Variants in RAD51B observed in about 807,000 individuals in gnomAD.
RAD51B encodes DNA repair protein RAD51 homolog 2.
Under a neutral mutation model 42.2 loss-of-function variants are expected in RAD51B, and 38 were observed. The ratio of observed to expected loss-of-function variants is 0.90; its 90% CI spans 0.70 to 1.18. The LOEUF is 1.18. Ranked by LOEUF, RAD51B falls within the 50% of genes most tolerant of loss-of-function variation. The pLI, the probability that RAD51B is intolerant of heterozygous loss-of-function variation, is 0.00. For missense variants in RAD51B, 373 were observed against 400.7 expected, an observed-to-expected ratio of 0.93 and a Z score of 0.59; for synonymous variants, 154 against 145.2, an observed-to-expected ratio of 1.06 and a Z score of -0.43.
chr14:68,657,403 C>T (rs1892838872), intron 11 of RAD51B, among the ~76,000 whole-genome samples: 1 of 152,216 alleles, frequency 6.6e-6, no homozygotes, highest in Admixed American at 6.5e-5. Flanking sequence ...CTGGTCTCGA[C>T]CTCCAGGCTT....
At chr14:68,049,135 A>G (rs1237116397) in intron 7 of RAD51B, among the ~76,000 whole-genome samples, 1 of 151,596 alleles carries the variant, frequency 6.6e-6, no homozygotes, top group Non-Finnish European at 1.5e-5. Context: ...GCATGTTCTC[A>G]CTCACAGGTG....
intron 8 of RAD51B, among the ~76,000 whole-genome samples, chr14:68,341,866 G>T (rs2082578691): frequency 6.6e-6 from 1 of 152,146 alleles, no homozygotes; most frequent in Admixed American, 6.5e-5. Flanking sequence ...TAGAAAAGGG[G>T]TGGAAAGAAT....
At chr14:68,138,073 C>G (rs2078047527) in intron 7 of RAD51B, among the ~76,000 whole-genome samples, 1 of 152,184 alleles carries the variant, frequency 6.6e-6, no homozygotes, top group African/African-American at 2.4e-5. Flanking sequence ...GCACAAAAGT[C>G]TAGCTTACAG....
intron 8 of RAD51B, among the ~76,000 whole-genome samples, chr14:68,301,072 G>C (rs188282400): frequency 3.9e-5 from 6 of 152,342 alleles, no homozygotes; most frequent in Non-Finnish European, 8.8e-5. Context: ...ATGTGTGTGT[G>C]TTGAAGGTGG....
At chr14:68,552,721 C>T (rs192820696) in intron 10 of RAD51B, among the ~76,000 whole-genome samples, 12 of 152,184 alleles carry the variant, frequency 7.9e-5, no homozygotes, top group Admixed American at 1.3e-4. Context: ...AGTAATAACA[C>T]GTTTCTGTGG....
chr14:67,869,095 T>C (rs2042431122), intron 5 of RAD51B, among the ~76,000 whole-genome samples: 1 of 152,206 alleles, frequency 6.6e-6, no homozygotes, highest in Admixed American at 6.5e-5. Flanking sequence ...AGAATGACTT[T>C]GACGAGCTGA....
chr14:68,519,965 A>C (rs570743466), intron 10 of RAD51B, among the ~76,000 whole-genome samples: 1 of 152,396 alleles, frequency 6.6e-6, no homozygotes, highest in Admixed American at 6.5e-5. Flanking sequence ...CAGAAAGTTC[A>C]TAAGGAGCTT....
intron 10 of RAD51B, chr14:68,563,011 G>C (rs994825699): frequency 1.0e-6 from 1 of 985,458 alleles, no homozygotes; most frequent in Non-Finnish European, 1.2e-6. Context: ...GTTCACGGCT[G>C]GGCATGATGA....
At chr14:68,454,400 C>T (rs1457545686) in intron 9 of RAD51B, among the ~76,000 whole-genome samples, 2 of 147,128 alleles carry the variant, frequency 1.4e-5, no homozygotes, top group Admixed American at 6.7e-5. Context: ...TAAAGGCTCA[C>T]AACAGTCTGA....
chr14:68,536,033 G>A (rs1367208559), intron 10 of RAD51B, among the ~76,000 whole-genome samples: 1 of 152,172 alleles, frequency 6.6e-6, no homozygotes, highest in African/African-American at 2.4e-5. Flanking sequence ...CTTAGAAATG[G>A]GTAAGAAGCA....
chr14:68,550,347 A>C (rs573415320), intron 10 of RAD51B, among the ~76,000 whole-genome samples: 1 of 152,346 alleles, frequency 6.6e-6, no homozygotes, highest in South Asian at 2.1e-4. Context: ...GTGATTATTC[A>C]TGGAATCTTT....
In RAD51B at chr14:68,503,428, C is replaced by G. The variant is rs528455111; in HGVS notation, c.1036+35178C>G. Among the ~76,000 whole-genome samples, 11 of 152,306 alleles carry G rather than the reference C, an allele frequency of 7.2e-5. No homozygotes were observed. In the South Asian group the frequency reaches 2.1e-3, roughly 29 times the overall value. ...CTGAGGAGGAGGCATCTCCCTTCCC[C>G]CTCCTCCAGAGGCTGATGCTACAGA... is the stretch of plus-strand genomic sequence containing the variant. On this transcript the variant is annotated intron_variant, in intron 10 of 10. Coordinates refer to the RAD51B transcript ENST00000487270.
chr14:68,515,590 A>G (rs1386136305), intron 10 of RAD51B, among the ~76,000 whole-genome samples: 2 of 150,698 alleles, frequency 1.3e-5, no homozygotes, highest in Non-Finnish European at 3.0e-5. Flanking sequence ...CTAGGACTAC[A>G]GGTGTGCACC....
chr14:68,211,643 A>G lies in RAD51B; in HGVS notation c.757-80241A>G, dbSNP rs530201047. 1.1e-4 allele frequency among the ~76,000 whole-genome samples: 16 copies of G among 152,334 alleles called. No homozygotes were observed. In the South Asian group the frequency reaches 3.1e-3, roughly 30 times the overall value. ...AAATAAATTAATATATAAAACCATC[A>G]GATATCAGAGCATAGTTGTGGAAAG... On this transcript the variant is annotated intron_variant, in intron 7 of 10. Transcript: ENST00000471583.
At chr14:68,094,205 A>T (rs947297412) in intron 7 of RAD51B, among the ~76,000 whole-genome samples, 1 of 152,180 alleles carries the variant, frequency 6.6e-6, no homozygotes, top group Non-Finnish European at 1.5e-5. Flanking sequence ...CAAACATATC[A>T]CTTTTTAAAA....
chr14:68,664,287 A>G lies in RAD51B; in HGVS notation c.*11+13431A>G, dbSNP rs28578014. 9.2e-3 allele frequency among the ~76,000 whole-genome samples: 1,406 copies of G among 152,102 alleles called. 21 individuals are homozygous for G. The highest frequency in any genetic ancestry group is 0.032 in the African/African-American group (1,322 of 41,464). On this transcript the variant is annotated intron_variant, in intron 11 of 11. Coordinates refer to the RAD51B transcript ENST00000488612. Reference sequence around the variant, plus strand: ...TTCTACATAATCTTAGAGTCCCCCAACCACCAAGGATGATTCCTACTGATT... The same window carrying G: ...TTCTACATAATCTTAGAGTCCCCCAGCCACCAAGGATGATTCCTACTGATT...
At chr14:67,906,497 G>A (rs1441284385) in intron 7 of RAD51B, among the ~76,000 whole-genome samples, 1 of 151,994 alleles carries the variant, frequency 6.6e-6, no homozygotes. Context: ...CATCAGGTGG[G>A]CTTTGGATTT....
intron 7 of RAD51B, among the ~76,000 whole-genome samples, chr14:67,975,695 C>T (rs76817826): frequency 6.6e-6 from 1 of 152,224 alleles, no homozygotes; most frequent in Non-Finnish European, 1.5e-5. Flanking sequence ...GGTTACAGCT[C>T]CGCATTTGCC....
chr14:68,446,987 C>T (rs1482120411), intron 9 of RAD51B, among the ~76,000 whole-genome samples: 4 of 152,272 alleles, frequency 2.6e-5, no homozygotes, highest in Middle Eastern at 3.4e-3. Context: ...GAGGCCGAGG[C>T]GGGCGGATCA....
Sources: allele counts gnomAD v4.1 joint callset (sites outside exome capture counted in the v4.1 genomes callset), GRCh38; gene constraint gnomAD v4.1.1; transcripts MANE v1.5; gene names NCBI Gene and HGNC (gene_info 2026-07-23, HGNC 2026-07-21).